Variants in SGK3 observed in about 807,000 individuals in gnomAD.
SGK3 encodes the protein serine/threonine-protein kinase Sgk3.
A neutral mutation model predicts 68.5 loss-of-function variants in SGK3; 47 were observed. That is an observed-to-expected ratio of 0.69 (90% CI 0.54 to 0.87). The LOEUF is 0.87. Among genes scored for constraint, SGK3 ranks in the 40% least tolerant of loss-of-function variants. The probability of loss-of-function intolerance (pLI) is 0.00; values close to 1 mark genes in which losing one functional copy is unlikely to be tolerated. For missense variants in SGK3, 479 were observed against 575.5 expected, an observed-to-expected ratio of 0.83 and a Z score of 1.72; for synonymous variants, 181 against 189.1, an observed-to-expected ratio of 0.96 and a Z score of 0.35.
At chr8:66,804,710 T>C (rs1808081743) in intron 4 of SGK3, among the ~76,000 whole-genome samples, 1 of 152,122 alleles carries the variant, frequency 6.6e-6, no homozygotes, top group Non-Finnish European at 1.5e-5. Flanking sequence ...AAAACACAGG[T>C]TCATTAATTT....
chr8:66,760,698 C>T (rs772100300), intron 1 of SGK3, among the ~76,000 whole-genome samples: 1 of 152,130 alleles, frequency 6.6e-6, no homozygotes, highest in Non-Finnish European at 1.5e-5. Context: ...ATCATTTGTC[C>T]GTCATCATTT....
intron 1 of SGK3, among the ~76,000 whole-genome samples, chr8:66,787,072 T>C (rs1341127580): frequency 2.0e-5 from 3 of 151,416 alleles, no homozygotes; most frequent in Non-Finnish European, 4.4e-5. Context: ...GCCCTCCGAG[T>C]AGCTGGGATT....
intron 1 of SGK3, among the ~76,000 whole-genome samples, chr8:66,728,066 G>A (rs1805032293): frequency 2.0e-5 from 3 of 152,206 alleles, no homozygotes; most frequent in African/African-American, 7.2e-5. Flanking sequence ...ACAGAGCTAT[G>A]CAGCCATCAC....
intron 1 of SGK3, among the ~76,000 whole-genome samples, chr8:66,787,229 AC>A (rs1188211706): frequency 6.6e-6 from 1 of 152,142 alleles, no homozygotes; most frequent in Non-Finnish European, 1.5e-5. Flanking sequence ...GGCGTGAACC[AC>A]TGTGCCCAGC....
At chr8:66,842,414 G>A (rs1019930378) in intron 13 of SGK3, among the ~76,000 whole-genome samples, 3 of 151,832 alleles carry the variant, frequency 2.0e-5, no homozygotes, top group African/African-American at 7.3e-5. Flanking sequence ...TAGAGACGGG[G>A]TTTCACCGTG....
intron 8 of SGK3, among the ~76,000 whole-genome samples, chr8:66,831,765 T>C (rs1022359297): frequency 1.3e-5 from 2 of 152,206 alleles, no homozygotes; most frequent in African/African-American, 2.4e-5. Context: ...CTCAAAATAC[T>C]AACAATAATT....
intron 1 of SGK3, among the ~76,000 whole-genome samples, chr8:66,713,828 CATT>C (rs1378485396): frequency 6.6e-6 from 1 of 152,184 alleles, no homozygotes; most frequent in Non-Finnish European, 1.5e-5. Flanking sequence ...GAGCTGTAAA[CATT>C]AGAGGAAGTT....
chr8:66,732,968 A>G (rs1415186951), intron 1 of SGK3, among the ~76,000 whole-genome samples: 1 of 152,260 alleles, frequency 6.6e-6, no homozygotes, highest in Non-Finnish European at 1.5e-5. Flanking sequence ...ATCCTATTGT[A>G]TAATAATGAC....
Position 66,860,353 on chromosome 8 carries a change from C to G in SGK3, c.*772C>G, listed in dbSNP as rs1563665670. The G allele has an allele frequency of 2.0e-5, 3 of 152,310 alleles. No individual in the cohort carries two copies. Among genetic ancestry groups the G allele is most frequent in the African/African-American group, 7.3e-5 (3 of 41,354 alleles). The allele number at this position is 152,310 out of a possible 1,614,324, so 9.4% of individuals were successfully genotyped here. A position where few individuals can be genotyped will look rare whatever the true frequency, so the allele number is the denominator to read the frequency against. ...CCTATAATCCCAGCTACTTGGGAGG[C>G]TAAGGCAGGAGAATCGCTTGAACCC... On this transcript the variant is annotated 3_prime_UTR_variant, in exon 17 of 17. Transcript: ENST00000521198.
In SGK3 at chr8:66,796,671, A is replaced by G. The variant is rs891239056; in HGVS notation, c.97-1871A>G. Among the ~76,000 whole-genome samples the G allele has an allele frequency of 3.3e-5, 5 of 152,208 alleles. No homozygotes were observed. In the South Asian group the frequency reaches 1.0e-3, roughly 32 times the overall value. On this transcript the variant is annotated intron_variant, in intron 2 of 16. Coordinates refer to ENST00000521198, the MANE Select transcript of SGK3 (RefSeq NM_001033578.3). The stretch of plus-strand genomic sequence containing the variant: ...TATACCATGAAGCTTCTAACAGGGA[A>G]ATGTGTTGCATTCTAGGTGTCTTGA...
intron 1 of SGK3, among the ~76,000 whole-genome samples, chr8:66,726,884 A>G (rs1473533587): frequency 1.3e-5 from 2 of 151,164 alleles, no homozygotes; most frequent in East Asian, 1.9e-4. Context: ...TTATGCTGTT[A>G]TCTGCAGAAC....
intron 4 of SGK3, among the ~76,000 whole-genome samples, chr8:66,809,127 C>T (rs1432233073): frequency 6.6e-6 from 1 of 152,148 alleles, no homozygotes; most frequent in East Asian, 1.9e-4. Flanking sequence ...CTCAGCCTCC[C>T]AAAGTGCTGG....
intron 8 of SGK3, among the ~76,000 whole-genome samples, chr8:66,833,639 C>T (rs72654908): frequency 0.094 from 14,358 of 152,206 alleles, 973 homozygotes; most frequent in East Asian, 0.27. Flanking sequence ...TGGTATATTA[C>T]TTTGTTAATG....
At chr8:66,742,148 T>C (rs1354296361) in intron 1 of SGK3, among the ~76,000 whole-genome samples, 1 of 152,242 alleles carries the variant, frequency 6.6e-6, no homozygotes, top group Non-Finnish European at 1.5e-5. Flanking sequence ...CAAAGAGCTA[T>C]CTGTATTACT....
intron 1 of SGK3, among the ~76,000 whole-genome samples, chr8:66,773,208 G>A (rs1186859363): frequency 1.3e-5 from 2 of 152,164 alleles, no homozygotes; most frequent in African/African-American, 4.8e-5. Flanking sequence ...TTGGAGATTA[G>A]GTGGGAAATG....
rs558971793 is a variant in SGK3, at chr8:66,743,417, A to G, written c.-122+30584A>G. Among the ~76,000 whole-genome samples the G allele has an allele frequency of 1.1e-4, 16 of 152,326 alleles. No homozygotes were observed. In the South Asian group the frequency reaches 2.1e-3, roughly 20 times the overall value. ...GATTAGCTCTGCAATTACGTTATAT[A>G]TTACTTAAGGACAGGGACTTCTCAC... On this transcript the variant is annotated intron_variant, in intron 1 of 16. Coordinates refer to ENST00000521198, the MANE Select transcript of SGK3 (RefSeq NM_001033578.3).
At chr8:66,834,777 C>CA (rs888294185) in intron 8 of SGK3, among the ~76,000 whole-genome samples, 39 of 149,690 alleles carry the variant, frequency 2.6e-4, no homozygotes, top group South Asian at 6.4e-4. Flanking sequence ...ACTAAAAATA[C>CA]AAAAAAAAAT....
intron 16 of SGK3, among the ~76,000 whole-genome samples, chr8:66,858,358 C>T (rs570507140): frequency 1.3e-4 from 20 of 150,998 alleles, no homozygotes; most frequent in Admixed American, 6.0e-4. Context: ...CCCAGCTACT[C>T]GGGAGGCTGA....
In SGK3 at chr8:66,727,952, C is replaced by T. The variant is rs553893060; in HGVS notation, c.-122+15119C>T. Among the ~76,000 whole-genome samples the T allele has an allele frequency of 5.3e-5, 8 of 152,344 alleles. No homozygotes were observed. In the South Asian group the frequency reaches 1.7e-3, roughly 32 times the overall value. On this transcript the variant is annotated intron_variant, in intron 1 of 16. Coordinates refer to ENST00000521198, the MANE Select transcript of SGK3 (RefSeq NM_001033578.3). ...GAAGACAGAATAAACCCACAGCATACACTAGAGTAATTTACACTTAACACT... is the reference window on the plus strand; with the variant it reads ...GAAGACAGAATAAACCCACAGCATATACTAGAGTAATTTACACTTAACACT...
Sources: gnomAD v4.1 joint callset for allele counts (sites outside exome capture counted in the v4.1 genomes callset) on GRCh38, gnomAD v4.1.1 for gene constraint, MANE v1.5 for transcripts, NCBI Gene and HGNC (gene_info 2026-07-23, HGNC 2026-07-21) for gene names.